CACNA1D: variants seen among roughly 807,000 people sequenced by gnomAD.
The protein encoded by CACNA1D is voltage-dependent L-type calcium channel subunit alpha-1D.
In CACNA1D, 55 loss-of-function variants were observed where a neutral mutation model predicts 257.1. That is an observed-to-expected ratio of 0.21 (90% confidence interval 0.17 to 0.27). CACNA1D has a LOEUF of 0.27. Among genes scored for constraint, CACNA1D ranks in the 10% least tolerant of loss-of-function variants. The pLI, the probability that CACNA1D is intolerant of heterozygous loss-of-function variation, is 1.00. For synonymous variants in CACNA1D, 980 were observed against 1,014.9 expected (o/e 0.97, Z 0.65); for missense variants, 1,876 against 2,784.0 (o/e 0.67, Z 7.34).
chr3:53,531,667 C>T (rs2091955651), intron 3 of CACNA1D, among the ~76,000 whole-genome samples: 1 of 152,172 alleles, frequency 6.6e-6, no homozygotes, highest in South Asian at 2.1e-4. Context: ...GAATTCTTCC[C>T]ATCACACCCA....
chr3:53,697,537 A>C (rs921619952), intron 8 of CACNA1D, among the ~76,000 whole-genome samples: 1 of 152,088 alleles, frequency 6.6e-6, no homozygotes, highest in Non-Finnish European at 1.5e-5. Flanking sequence ...TAGTGGAGTT[A>C]TATCTTCTAA....
chr3:53,614,393 A>G (rs1285600651), intron 3 of CACNA1D, among the ~76,000 whole-genome samples: 2 of 152,118 alleles, frequency 1.3e-5, no homozygotes, highest in Admixed American at 6.5e-5. Context: ...TGTGGGAGAT[A>G]TCTCACTGGA....
chr3:53,733,429 C>T (rs565553376), intron 19 of CACNA1D, among the ~76,000 whole-genome samples: 1 of 152,088 alleles, frequency 6.6e-6, no homozygotes, highest in Admixed American at 6.5e-5. Context: ...CTCATAGATC[C>T]CCCACTTGAT....
chr3:53,588,800 T>G (rs2093259728), intron 3 of CACNA1D, among the ~76,000 whole-genome samples: 1 of 152,222 alleles, frequency 6.6e-6, no homozygotes. Flanking sequence ...GGAAATTTAT[T>G]TGTGATTCAT....
intron 3 of CACNA1D, among the ~76,000 whole-genome samples, chr3:53,568,253 G>A (rs112579245): frequency 6.6e-6 from 1 of 152,132 alleles, no homozygotes; most frequent in Admixed American, 6.5e-5. Flanking sequence ...ATTCAGCTAC[G>A]ATGACTGGTA....
intron 4 of CACNA1D, among the ~76,000 whole-genome samples, chr3:53,655,514 C>T (rs1241765345): frequency 1.3e-5 from 2 of 152,202 alleles, no homozygotes; most frequent in African/African-American, 4.8e-5. Flanking sequence ...GCCATTTTAA[C>T]TGGTGTGAAA....
At chr3:53,676,294 C>A (rs1236517102) in intron 8 of CACNA1D, among the ~76,000 whole-genome samples, 6 of 152,236 alleles carry the variant, frequency 3.9e-5, no homozygotes, top group African/African-American at 1.4e-4. Flanking sequence ...CCAACCACCA[C>A]CTTCCCTCTC....
chr3:53,646,144 G>A (rs916186625), intron 3 of CACNA1D, among the ~76,000 whole-genome samples: 3 of 152,194 alleles, frequency 2.0e-5, no homozygotes, highest in African/African-American at 7.2e-5. Flanking sequence ...GTGGGAGGGA[G>A]CAGGTTGGCC....
intron 3 of CACNA1D, 40 bp from the exon 4 acceptor site, chr3:53,650,739 C>A (rs1392494459): frequency 6.2e-7 from 1 of 1,609,852 alleles, no homozygotes; most frequent in African/African-American, 1.3e-5. Flanking sequence ...TCCTCCCCTG[C>A]CCCTGCTTTT....
chr3:53,722,341 C>T lies in CACNA1D; in HGVS notation c.1533C>T (p.Phe511=), dbSNP rs762756866. ...LSRRWRRWNR[F]NRRRCRAAVK... The stretch of plus-strand genomic sequence containing the variant: ...GACGCTGGCGTCGCTGGAACCGATT[C>T]AATCGCAGAAGATGTAGGGCCGCCG... Residue 511 remains phenylalanine (F), a synonymous_variant, in exon 12 of 48, where the codon TTC becomes TTT. Transcript: ENST00000350061. 6.2e-7 allele frequency: 1 copy of T among 1,614,244 alleles called. No individual in the cohort carries two copies.
intron 3 of CACNA1D, among the ~76,000 whole-genome samples, chr3:53,619,299 C>T (rs947585530): frequency 1.8e-4 from 27 of 152,176 alleles, no homozygotes; most frequent in African/African-American, 6.3e-4. Flanking sequence ...AATTAAAATC[C>T]AGCATTGGAA....
chr3:53,786,786 T>C (rs1476522760), intron 39 of CACNA1D, 36 bp from the exon 40 acceptor site: 1 of 1,386,188 alleles, frequency 7.2e-7, no homozygotes, highest in Non-Finnish European at 9.7e-7. Context: ...TCTAATGTGC[T>C]GATTCGGGAG....
chr3:53,608,695 A>G (rs977019462), intron 3 of CACNA1D, among the ~76,000 whole-genome samples: 5 of 152,152 alleles, frequency 3.3e-5, no homozygotes, highest in African/African-American at 9.7e-5. Context: ...GTAGTTATGG[A>G]ATTTTATAAC....
At chr3:53,775,647 G>A (rs1010195929) in intron 34 of CACNA1D, among the ~76,000 whole-genome samples, 2 of 141,706 alleles carry the variant, frequency 1.4e-5, no homozygotes, top group Non-Finnish European at 3.1e-5. Flanking sequence ...TATGCAGACA[G>A]TTAGCGCGCT....
chr3:53,566,908 G>A (rs764884162), intron 3 of CACNA1D, among the ~76,000 whole-genome samples: 25 of 152,314 alleles, frequency 1.6e-4, no homozygotes, highest in South Asian at 4.1e-4. Flanking sequence ...TTCAGGGCTC[G>A]GACTGAGCCT....
At position 53,800,218 on chromosome 3, in the gene CACNA1D, C is replaced by T. The variant is rs1280560322; in HGVS notation, c.4924-31C>T. On this transcript the variant is annotated intron_variant, in intron 40 of 47. Coordinates refer to ENST00000350061, the MANE Select transcript of CACNA1D (RefSeq NM_001128840.3). This position sits in a 1 kb window ranked among gnomAD's most constrained non-coding sequence, Gnocchi z 4.3. ...GCTGGCCCCAGGGCCCATGTGTGGTCTAACCTGTTCTGCCATTTTCATTGA... is the reference window on the plus strand; with the variant it reads ...GCTGGCCCCAGGGCCCATGTGTGGTTTAACCTGTTCTGCCATTTTCATTGA... 6.7e-7 allele frequency: 1 copy of T among 1,498,372 alleles called. No homozygotes were observed. The highest frequency in any genetic ancestry group is 2.3e-5 in the East Asian group (1 of 44,328). The allele number at this position is 1,498,372 out of a possible 1,614,324, so 92.8% of individuals were successfully genotyped here. A position where few individuals can be genotyped will look rare whatever the true frequency, so the allele number is the denominator to read the frequency against.
At chr3:53,533,696 C>T (rs556287842) in intron 3 of CACNA1D, among the ~76,000 whole-genome samples, 7 of 152,278 alleles carry the variant, frequency 4.6e-5, no homozygotes, top group East Asian at 1.9e-4. Flanking sequence ...CTGCTATGGC[C>T]GTGGGCGCTG....
chr3:53,507,190 T>G (rs1276068504), intron 3 of CACNA1D, among the ~76,000 whole-genome samples: 1 of 151,856 alleles, frequency 6.6e-6, no homozygotes, highest in South Asian at 2.1e-4. Flanking sequence ...CCTAATGATA[T>G]AATGTGAAAC....
intron 2 of CACNA1D, 46 bp from the exon 3 acceptor site, chr3:53,501,569 G>A (rs1262041547): frequency 2.0e-6 from 2 of 988,238 alleles, no homozygotes; most frequent in Non-Finnish European, 3.2e-6. Context: ...TGAGGGACAT[G>A]GTTTATGTTT....
Sources: allele counts gnomAD v4.1 joint callset (sites outside exome capture counted in the v4.1 genomes callset), GRCh38; gene constraint gnomAD v4.1.1; non-coding constraint Gnocchi (gnomAD v3.1); transcripts MANE v1.5; gene names NCBI Gene and HGNC (gene_info 2026-07-23, HGNC 2026-07-21).